P2RX7: variants seen among roughly 807,000 people sequenced by gnomAD.
P2RX7 encodes the protein purinergic receptor P2X 7, also known as P2X purinoceptor 7.
P2RX7 carries 62 observed loss-of-function variants against 71.6 expected under a neutral mutation model. That is an observed-to-expected ratio of 0.87 (90% confidence interval 0.71 to 1.07). P2RX7 has a LOEUF of 1.07. Among genes scored for constraint, P2RX7 ranks in the 50% least tolerant of loss-of-function variants. The pLI, the probability that P2RX7 is intolerant of heterozygous loss-of-function variation, is 0.00. For synonymous variants in P2RX7, 299 were observed against 283.3 expected, an observed-to-expected ratio of 1.06 and a Z score of -0.56; for missense variants, 686 against 748.5, an observed-to-expected ratio of 0.92 and a Z score of 0.97.
rs148833286 is a variant in P2RX7 at position 121,173,176 on chromosome 12, TTTTGTTTG to T, written c.882-2191_882-2184del. ...AGAGGTCAATGCCACTCAAAGAATA[TTTTGTTTG>T]TTTGTTTGTTTGTTTGTTTGAGAGG... On this transcript the variant is annotated intron_variant, in intron 8 of 12. Coordinates refer to ENST00000328963, the MANE Select transcript of P2RX7 (RefSeq NM_002562.6). 1.1e-4 allele frequency among the ~76,000 whole-genome samples: 17 copies of T among 150,898 alleles called. No individual in the cohort carries two copies. In the East Asian group the frequency reaches 1.2e-3, roughly 10 times the overall value.
intron 1 of P2RX7, among the ~76,000 whole-genome samples, chr12:121,138,238 G>C (rs558561867): frequency 6.6e-6 from 1 of 152,240 alleles, no homozygotes; most frequent in Admixed American, 6.5e-5. Flanking sequence ...TCATCAGGAC[G>C]GATCCGTCTC....
At chr12:121,169,195 T>C (rs966975629) in intron 8 of P2RX7, among the ~76,000 whole-genome samples, 1 of 152,186 alleles carries the variant, frequency 6.6e-6, no homozygotes, top group Non-Finnish European at 1.5e-5. Context: ...CTCAAACTCC[T>C]GGCTCAAGCA....
At position 121,156,563 on chromosome 12, in the gene P2RX7, T is replaced by TC. The variant is rs533764260; in HGVS notation, c.363+421dup. ...ACACAGATTCAGAGATGTTGTGACTTCCCCCAGGGTCACACAGCTTGCTGC... is the reference window on the plus strand; with the variant it reads ...ACACAGATTCAGAGATGTTGTGACTTCCCCCCAGGGTCACACAGCTTGCTGC... On this transcript the variant is annotated intron_variant, in intron 3 of 12. Transcript: ENST00000328963. Among the ~76,000 whole-genome samples, 355 of 152,300 alleles carry TC rather than the reference T, an allele frequency of 2.3e-3. 2 individuals carry two copies. The highest frequency in any genetic ancestry group is 8.0e-3 in the African/African-American group (331 of 41,558).
chr12:121,133,285 G>A (rs1192728548), intron 1 of P2RX7, among the ~76,000 whole-genome samples, 190 bp downstream of exon 1: 2 of 152,224 alleles, frequency 1.3e-5, no homozygotes, highest in African/African-American at 2.4e-5. Context: ...CTGCAGCAGA[G>A]AGAAGCCACA....
rs201698974 is a variant in P2RX7, at chr12:121,177,348, C to T, written c.1090C>T (p.Arg364Cys). The T allele has an allele frequency of 1.4e-5, 22 of 1,613,868 alleles. No homozygotes were observed. Among genetic ancestry groups the T allele is most frequent in the African/African-American group, 1.3e-5 (1 of 74,910 alleles). ...LIDTYSSNCCRSHIYPWCKCC... is the reference protein window; with the variant it reads ...LIDTYSSNCCCSHIYPWCKCC... The stretch of plus-strand genomic sequence containing the variant: ...CGACACTTACTCCAGTAACTGCTGT[C>T]GCTCCCATATTTATCCCTGGTGCAA... The change falls in exon 11 of 13, where the codon CGC becomes TGC. Residue 364 changes from arginine to cysteine, a missense_variant. By Grantham distance (180) the Arg-to-Cys change is radical. Coordinates refer to ENST00000328963, the MANE Select transcript of P2RX7 (RefSeq NM_002562.6).
rs776528536 is a variant in P2RX7 at position 121,154,400 on chromosome 12, C to A, written c.126-385C>A. Among the ~76,000 whole-genome samples, 2 of 152,090 alleles carry A rather than the reference C, an allele frequency of 1.3e-5. No homozygotes were observed. Among genetic ancestry groups the A allele is most frequent in the African/African-American group, 4.8e-5 (2 of 41,398 alleles). ...AGATGCAGCCTTAGACTGGAAGGTG[C>A]TGATGTGTTACTGAGCCTCCAGACA... is the stretch of plus-strand genomic sequence containing the variant. On this transcript the variant is annotated intron_variant, in intron 1 of 12. Transcript: ENST00000328963. This position sits in a 1 kb window ranked among gnomAD's most constrained non-coding sequence, Gnocchi z 4.2.
At chr12:121,170,693 G>A (rs1366470084) in intron 8 of P2RX7, among the ~76,000 whole-genome samples, 1 of 152,140 alleles carries the variant, frequency 6.6e-6, no homozygotes, top group Non-Finnish European at 1.5e-5. Context: ...AGAACTGCTT[G>A]AACCCGGAAG....
chr12:121,146,003 G>C (rs945225952), intron 1 of P2RX7, among the ~76,000 whole-genome samples: 1 of 152,200 alleles, frequency 6.6e-6, no homozygotes, highest in African/African-American at 2.4e-5. Context: ...ACCATCACCA[G>C]CAGCAACCAC....
In P2RX7 at chr12:121,184,380, C is replaced by G. The variant is rs199704705; in HGVS notation, c.1366C>G (p.Pro456Ala). 6.2e-7 allele frequency: 1 copy of G among 1,614,048 alleles called. No homozygotes were observed. Among genetic ancestry groups the G allele is most frequent in the Non-Finnish European group, 8.5e-7 (1 of 1,180,046 alleles). ...TGACACACCCCCGATTCCTGGACAA[C>G]CAGAGGAGATACAGCTGCTTAGAAA... is the stretch of plus-strand genomic sequence containing the variant. ...LHDTPPIPGQ[P>A]EEIQLLRKEA... Residue 456 changes from proline (P) to alanine (A), a missense_variant, in exon 13 of 13, where the codon CCA becomes GCA. Pro to Ala is a conservative substitution (Grantham distance 27, BLOSUM62 -1). Coordinates refer to ENST00000328963, the MANE Select transcript of P2RX7 (RefSeq NM_002562.6).
chr12:121,180,927 GCACTC>G (rs779653715), intron 12 of P2RX7, among the ~76,000 whole-genome samples: 6 of 151,534 alleles, frequency 4.0e-5, no homozygotes, highest in Non-Finnish European at 7.4e-5. Context: ...TTGTGCCATT[GCACTC>G]CAGCCTGGGT....
At chr12:121,148,895 TA>T in intron 1 of P2RX7, 1 of 350,642 alleles carries the variant, frequency 2.9e-6, no homozygotes, top group East Asian at 8.0e-5. Flanking sequence ...TACTGTTCTT[TA>T]GGGGTCCATG....
At position 121,177,383 on chromosome 12, in the gene P2RX7, G is replaced by A. The variant is rs1883335697; in HGVS notation, c.1125G>A (p.Gln375=). 1.2e-6 allele frequency: 2 copies of A among 1,613,876 alleles called. No homozygotes were observed. The highest frequency in any genetic ancestry group is 2.7e-5 in the African/African-American group (2 of 74,938). Residue 375 remains glutamine (Q), a synonymous_variant, in exon 11 of 13, where the codon CAG becomes CAA. Transcript: ENST00000328963. ...TTTATCCCTGGTGCAAGTGCTGTCAGCCCTGTGTGGTCAACGAATACTACT... is the reference window on the plus strand; with the variant it reads ...TTTATCCCTGGTGCAAGTGCTGTCAACCCTGTGTGGTCAACGAATACTACT... The part of the protein sequence containing the change: ...SHIYPWCKCC[Q]PCVVNEYYYR...
At position 121,180,362 on chromosome 12, in the gene P2RX7, G is replaced by A; in HGVS notation, c.1197G>A (p.Lys399=). The A allele has an allele frequency of 6.3e-7, 1 of 1,575,860 alleles. No homozygotes were observed. Among genetic ancestry groups the A allele is most frequent in the Non-Finnish European group, 8.6e-7 (1 of 1,156,288 alleles). ...AAACCATCTTTTCCTAGACATTAAA[G>A]TATGTGTCCTTTGTGGATGAATCCC... The part of the protein sequence containing the change: ...ESIVEPKPTL[K]YVSFVDESHI... Residue 399 remains lysine (K), a synonymous_variant, in exon 12 of 13, where the codon AAG becomes AAA. Transcript: ENST00000328963.
rs1314233205 is a variant in P2RX7, at chr12:121,159,396, G to A, written c.364-1506G>A. Among the ~76,000 whole-genome samples the A allele has an allele frequency of 5.7e-5, 7 of 121,788 alleles. 1 individual carries two copies. The highest frequency in any genetic ancestry group is 5.5e-4 in the South Asian group (2 of 3,614). 79.9% of individuals were successfully genotyped at this position (121,788 alleles called of 152,430 possible). On this transcript the variant is annotated intron_variant, in intron 3 of 12. Coordinates refer to ENST00000328963, the MANE Select transcript of P2RX7 (RefSeq NM_002562.6). ...CACACCATTGCACTCTAGCCTGGTC[G>A]ACAGAGCAAGACTCTGTCTCCAAAA... is the stretch of plus-strand genomic sequence containing the variant.
At chr12:121,161,639 A>C (rs1283773931) in intron 4 of P2RX7, among the ~76,000 whole-genome samples, 1 of 152,016 alleles carries the variant, frequency 6.6e-6, no homozygotes, top group Non-Finnish European at 1.5e-5. Context: ...TAAAAATACA[A>C]AAATCAGCCA....
chr12:121,180,306 G>T (rs1324599593), intron 11 of P2RX7, 48 bp from the exon 12 acceptor site: 1 of 1,128,512 alleles, frequency 8.9e-7, no homozygotes, highest in South Asian at 1.4e-5. Flanking sequence ...GGCAATTCTT[G>T]ATAATTCTGT....
Position 121,168,818 on chromosome 12 carries a change from C to T in P2RX7, c.881+1194C>T, listed in dbSNP as rs78892156. On this transcript the variant is annotated intron_variant, in intron 8 of 12. Transcript: ENST00000328963. ...TGAGTTGCTTCCAGTTTTTCTATTA[C>T]AAGTAACCACAGTGTGCATCTTTGC... Among the ~76,000 whole-genome samples, 506 of 152,270 alleles carry T rather than the reference C, an allele frequency of 3.3e-3. 4 individuals carry two copies. The highest frequency in any genetic ancestry group is 0.012 in the African/African-American group (483 of 41,558).
At chr12:121,156,001 C>T in intron 2 of P2RX7, 78 bp from the exon 3 acceptor site, 4 of 1,331,886 alleles carry the variant, frequency 3.0e-6, no homozygotes, top group Non-Finnish European at 4.3e-6. Context: ...AGAGGTTCGC[C>T]CAGCAAGCTG....
intron 1 of P2RX7, among the ~76,000 whole-genome samples, chr12:121,136,190 A>T (rs2135971239): frequency 6.7e-6 from 1 of 148,926 alleles, no homozygotes; most frequent in African/African-American, 2.4e-5. Flanking sequence ...TAAACCAGCT[A>T]TCATAGGACC....
Sources: allele counts gnomAD v4.1 joint callset (sites outside exome capture counted in the v4.1 genomes callset), GRCh38; gene constraint gnomAD v4.1.1; non-coding constraint Gnocchi (gnomAD v3.1); transcripts MANE v1.5; gene names NCBI Gene and HGNC (gene_info 2026-07-23, HGNC 2026-07-21).